SUPT3H: variants seen among roughly 807,000 people sequenced by gnomAD.
The protein encoded by SUPT3H is transcription initiation protein SPT3 homolog.
In SUPT3H, 44 loss-of-function variants were observed where a neutral mutation model predicts 44.3. That is an observed-to-expected ratio of 0.99 (90% CI 0.78 to 1.28). SUPT3H has a LOEUF of 1.28. SUPT3H is among the 50% of genes most tolerant of loss of function. SUPT3H has a pLI of 0.00. For synonymous variants in SUPT3H, 124 were observed against 125.6 expected, an observed-to-expected ratio of 0.99 and a Z score of 0.09; for missense variants, 380 against 387.1, an observed-to-expected ratio of 0.98 and a Z score of 0.15.
At chr6:44,833,043 G>GACTT (rs1212737748) in intron 10 of SUPT3H, among the ~76,000 whole-genome samples, 4 of 151,972 alleles carry the variant, frequency 2.6e-5, no homozygotes, top group Non-Finnish European at 5.9e-5. Flanking sequence ...TTGTAGTTCC[G>GACTT]ACTTAAATAT....
intron 10 of SUPT3H, among the ~76,000 whole-genome samples, chr6:44,918,203 C>T (rs1188337580): frequency 6.6e-6 from 1 of 152,138 alleles, no homozygotes; most frequent in African/African-American, 2.4e-5. Flanking sequence ...TGGTTTTCTC[C>T]AAGAAACATC....
At chr6:45,287,178 A>G (rs546691070) in intron 2 of SUPT3H, among the ~76,000 whole-genome samples, 280 of 152,238 alleles carry the variant, frequency 1.8e-3, no homozygotes, top group African/African-American at 6.5e-3. Context: ...CCAACATGGC[A>G]CATGTATACA....
chr6:45,202,455 T>G (rs1010423501), intron 2 of SUPT3H, among the ~76,000 whole-genome samples: 1 of 151,972 alleles, frequency 6.6e-6, no homozygotes, highest in African/African-American at 2.4e-5. Flanking sequence ...CAACAAAAAT[T>G]TAGGATTACT....
At chr6:45,228,275 T>C (rs907143636) in intron 2 of SUPT3H, among the ~76,000 whole-genome samples, 1 of 152,210 alleles carries the variant, frequency 6.6e-6, no homozygotes, top group Admixed American at 6.5e-5. Context: ...GATTAACATT[T>C]AAATCAGCAA....
chr6:45,081,211 T>TCTTA (rs1019947282), intron 3 of SUPT3H, among the ~76,000 whole-genome samples: 8 of 152,130 alleles, frequency 5.3e-5, no homozygotes, highest in Admixed American at 1.3e-4. Context: ...CTGGTCCCTA[T>TCTTA]CTTACTTTTA....
intron 9 of SUPT3H, among the ~76,000 whole-genome samples, chr6:44,951,235 GTT>G (rs74728368): frequency 1.2e-4 from 17 of 136,656 alleles, no homozygotes; most frequent in East Asian, 2.2e-4. Flanking sequence ...ACTAGAGAAG[GTT>G]TTTTTTTTTT....
intron 2 of SUPT3H, among the ~76,000 whole-genome samples, chr6:45,273,789 G>T (rs1202321789): frequency 6.6e-6 from 1 of 152,178 alleles, no homozygotes; most frequent in East Asian, 1.9e-4. Flanking sequence ...TACAAATTTT[G>T]TGTGGACTTA....
In SUPT3H at chr6:44,987,034, AG is replaced by A. The variant is rs1286988622; in HGVS notation, c.504+16618del. ...TATATTTCTCCCGGTTCTGAAGGCT[AG>A]AGGTTCAACATCAGGGTGCCAGCAC... On this transcript the variant is annotated intron_variant, in intron 6 of 10. Transcript: ENST00000371459. 3.3e-5 allele frequency among the ~76,000 whole-genome samples: 5 copies of A among 152,106 alleles called. No homozygotes were observed. In the East Asian group the frequency reaches 9.7e-4, roughly 29 times the overall value.
At chr6:45,127,843 T>C (rs1005192713) in intron 2 of SUPT3H, among the ~76,000 whole-genome samples, 1 of 152,226 alleles carries the variant, frequency 6.6e-6, no homozygotes, top group African/African-American at 2.4e-5. Context: ...TTTAGAGCTA[T>C]AAATTTCTCT....
chr6:45,079,393 A>C (rs993657344), intron 3 of SUPT3H, among the ~76,000 whole-genome samples: 1 of 150,934 alleles, frequency 6.6e-6, no homozygotes, highest in Non-Finnish European at 1.5e-5. Context: ...AAGTGGAAGA[A>C]GGAAGAAGTG....
chr6:45,101,731 A>T (rs1359163325), intron 3 of SUPT3H, among the ~76,000 whole-genome samples: 1 of 152,196 alleles, frequency 6.6e-6, no homozygotes, highest in South Asian at 2.1e-4. Context: ...CATTGTATAC[A>T]TGTGTCAAAA....
intron 2 of SUPT3H, among the ~76,000 whole-genome samples, chr6:45,183,634 C>G (rs553420178): frequency 6.6e-6 from 1 of 152,292 alleles, no homozygotes; most frequent in East Asian, 1.9e-4. Context: ...CCATGATCAA[C>G]AACTCCCACT....
intron 10 of SUPT3H, among the ~76,000 whole-genome samples, chr6:44,926,540 C>A (rs945991183): frequency 6.6e-6 from 1 of 151,820 alleles, no homozygotes; most frequent in Admixed American, 6.6e-5. Context: ...TAATGCCCTA[C>A]AAAAAATGGC....
intron 2 of SUPT3H, among the ~76,000 whole-genome samples, chr6:45,154,273 G>A (rs1807449687): frequency 6.6e-6 from 1 of 151,874 alleles, no homozygotes; most frequent in Non-Finnish European, 1.5e-5. Flanking sequence ...TGTTTGAAAC[G>A]AAACAATTGG....
rs557637662 is a variant in SUPT3H, at chr6:45,105,362, C to G, written c.186+560G>C. Among the ~76,000 whole-genome samples the G allele has an allele frequency of 2.7e-3, 407 of 152,096 alleles. 1 individual carries two copies. The highest frequency in any genetic ancestry group is 0.01 in the Middle Eastern group (3 of 294). ...TGGTACAGGCATACCTCAGTGATACCGTAAGTTCAGTTACAGACCACTGCA... is the reference window on the plus strand; with the variant it reads ...TGGTACAGGCATACCTCAGTGATACGGTAAGTTCAGTTACAGACCACTGCA... On this transcript the variant is annotated intron_variant, in intron 3 of 10. Coordinates refer to ENST00000371459, the MANE Select transcript of SUPT3H (RefSeq NM_003599.4).
intron 10 of SUPT3H, among the ~76,000 whole-genome samples, chr6:44,859,840 G>A (rs191053858): frequency 3.0e-4 from 45 of 152,110 alleles, no homozygotes; most frequent in Non-Finnish European, 6.0e-4. Context: ...CCCATTTCTT[G>A]TCCTTACAAT....
chr6:45,125,453 AT>A, intron 2 of SUPT3H, among the ~76,000 whole-genome samples: 1 of 152,274 alleles, frequency 6.6e-6, no homozygotes, highest in South Asian at 2.1e-4. Flanking sequence ...CTACTGTGGA[AT>A]GGGGAAAATT....
At chr6:45,250,779 A>G (rs534424711) in intron 2 of SUPT3H, among the ~76,000 whole-genome samples, 1 of 152,224 alleles carries the variant, frequency 6.6e-6, no homozygotes, top group African/African-American at 2.4e-5. Flanking sequence ...AAGTAAGGGG[A>G]AAAAAGGGTT....
At chr6:45,264,455 T>C (rs1270418146) in intron 2 of SUPT3H, among the ~76,000 whole-genome samples, 1 of 152,074 alleles carries the variant, frequency 6.6e-6, no homozygotes, top group Non-Finnish European at 1.5e-5. Flanking sequence ...AGATCAGGAG[T>C]TCAAGACCAG....
Sources: allele counts gnomAD v4.1 joint callset (sites outside exome capture counted in the v4.1 genomes callset), GRCh38; gene constraint gnomAD v4.1.1; transcripts MANE v1.5; gene names NCBI Gene and HGNC (gene_info 2026-07-23, HGNC 2026-07-21).